Variants in ZC3H12B observed in about 807,000 individuals in gnomAD.
The protein encoded by ZC3H12B is probable ribonuclease ZC3H12B.
In ZC3H12B, 7 loss-of-function variants were observed where a neutral mutation model predicts 43.9. The observed-to-expected ratio is 0.16, with a 90% CI of 0.09 to 0.30. The LOEUF (loss-of-function observed/expected upper bound fraction) is 0.30. Ranked by LOEUF, ZC3H12B falls within the 10% of genes least tolerant of loss-of-function variation. The pLI is 1.00. For synonymous variants in ZC3H12B, 222 were observed against 241.7 expected (o/e 0.92, Z 0.76); for missense variants, 475 against 670.2 (o/e 0.71, Z 3.22).
At chrX:65,146,158 T>C in the ZC3H12B span, among the ~76,000 whole-genome samples, 1 of 111,070 alleles carries the variant, frequency 9.0e-6, no homozygotes, top group Admixed American at 9.6e-5. Flanking sequence ...CCCAGGGTTT[T>C]GGGGGTCTTT....
chrX:65,093,363 A>T, the ZC3H12B span, among the ~76,000 whole-genome samples: 2 of 111,849 alleles, frequency 1.8e-5, no homozygotes, highest in Admixed American at 1.9e-4. Flanking sequence ...TGGTGAAGCT[A>T]TGAGAAGAGG....
chrX:65,188,599 G>T, the ZC3H12B span, among the ~76,000 whole-genome samples: 1 of 110,225 alleles, frequency 9.1e-6, no homozygotes, highest in Non-Finnish European at 1.9e-5. Context: ...ATGCCTGTTT[G>T]CCATTTGCAT....
At chrX:65,153,925 T>C in the ZC3H12B span, among the ~76,000 whole-genome samples, 1 of 110,905 alleles carries the variant, frequency 9.0e-6, no homozygotes, top group African/African-American at 3.3e-5. Context: ...TTCATGTCCT[T>C]TGTAGGGACA....
the ZC3H12B span, among the ~76,000 whole-genome samples, chrX:65,306,461 C>T: frequency 9.2e-6 from 1 of 109,222 alleles, no homozygotes; most frequent in East Asian, 2.9e-4. Flanking sequence ...CAACCTCTGC[C>T]TCCTGGGTTC....
At chrX:65,428,448 C>T (rs1488224939) in intron 3 of ZC3H12B, among the ~76,000 whole-genome samples, 1 of 112,190 alleles carries the variant, frequency 8.9e-6, no homozygotes. Context: ...AGGTTTTGTT[C>T]ATGTTTTAAT....
At chrX:65,230,651 G>GA in the ZC3H12B span, among the ~76,000 whole-genome samples, 6 of 95,444 alleles carry the variant, frequency 6.3e-5, no homozygotes, top group African/African-American at 2.3e-4. Flanking sequence ...AAAAAGCATA[G>GA]AAAAAAATTC....
chrX:65,126,941 C>A, the ZC3H12B span, among the ~76,000 whole-genome samples: 1 of 109,677 alleles, frequency 9.1e-6, no homozygotes, highest in African/African-American at 3.3e-5. Context: ...TGGACTTCAC[C>A]TTTTTCTGGT....
chrX:65,196,130 C>G, the ZC3H12B span, among the ~76,000 whole-genome samples: 1 of 105,706 alleles, frequency 9.5e-6, no homozygotes, highest in Non-Finnish European at 2.0e-5. Context: ...TTCCCCCCAC[C>G]CCCCGCAGCT....
the ZC3H12B span, among the ~76,000 whole-genome samples, chrX:65,162,171 C>G: frequency 1.8e-5 from 2 of 111,167 alleles, no homozygotes; most frequent in African/African-American, 6.5e-5. Flanking sequence ...TGTGGGTAAC[C>G]TGACCTTTCT....
At chrX:65,450,842 TATATATATAC>T (rs1282733413) in intron 3 of ZC3H12B, among the ~76,000 whole-genome samples, 4 of 79,471 alleles carry the variant, frequency 5.0e-5, no homozygotes, top group Non-Finnish European at 8.9e-5. Flanking sequence ...TGTATATATG[TATATATATAC>T]ATATGTGTAT....
At chrX:65,091,722 A>G in the ZC3H12B span, among the ~76,000 whole-genome samples, 1 of 112,083 alleles carries the variant, frequency 8.9e-6, no homozygotes, top group South Asian at 3.7e-4. Flanking sequence ...ATCATACAAA[A>G]AAAACATCTT....
the ZC3H12B span, among the ~76,000 whole-genome samples, chrX:65,176,085 G>A: frequency 1.8e-5 from 2 of 110,542 alleles, no homozygotes; most frequent in African/African-American, 6.6e-5. Context: ...GGAGCCAAGT[G>A]GTCTAGCTCA....
At chrX:65,433,834 C>T (rs753331030) in intron 3 of ZC3H12B, among the ~76,000 whole-genome samples, 1 of 112,006 alleles carries the variant, frequency 8.9e-6, no homozygotes, top group Non-Finnish European at 1.9e-5. Context: ...TCAAGAGTTT[C>T]TGTTTCTGTA....
the ZC3H12B span, among the ~76,000 whole-genome samples, chrX:65,165,450 C>T: frequency 8.9e-6 from 1 of 111,757 alleles, no homozygotes; most frequent in East Asian, 2.8e-4. Flanking sequence ...TGCCGAAAGG[C>T]CCCGGTGTGG....
At chrX:65,231,544 C>T in the ZC3H12B span, among the ~76,000 whole-genome samples, 2 of 110,882 alleles carry the variant, frequency 1.8e-5, no homozygotes, top group African/African-American at 6.6e-5. Context: ...ACTCCCAGAG[C>T]GGCTATTCAT....
At chrX:65,073,408 A>G in the ZC3H12B span, among the ~76,000 whole-genome samples, 5 of 112,103 alleles carry the variant, frequency 4.5e-5, no homozygotes, top group African/African-American at 1.3e-4. Context: ...AAGAGCTACA[A>G]TGTAGGCCCC....
the ZC3H12B span, among the ~76,000 whole-genome samples, chrX:65,065,600 G>T: frequency 9.0e-6 from 1 of 111,346 alleles, no homozygotes; most frequent in East Asian, 2.8e-4. Flanking sequence ...CAACCTTGGT[G>T]AATCTGACGA....
the ZC3H12B span, among the ~76,000 whole-genome samples, chrX:65,243,444 T>C: frequency 1.8e-5 from 2 of 112,125 alleles, no homozygotes; most frequent in South Asian, 7.4e-4. Context: ...AGAATGTTTT[T>C]TATCAAGAAG....
the ZC3H12B span, among the ~76,000 whole-genome samples, chrX:65,120,397 C>G: frequency 9.0e-6 from 1 of 111,212 alleles, no homozygotes; most frequent in Non-Finnish European, 1.9e-5. Context: ...GTATTTTATT[C>G]TCTTTGAAGC....
Sources: gnomAD v4.1 joint callset for allele counts (sites outside exome capture counted in the v4.1 genomes callset) on GRCh38, gnomAD v4.1.1 for gene constraint, MANE v1.5 for transcripts, NCBI Gene and HGNC (gene_info 2026-07-23, HGNC 2026-07-21) for gene names.